Variants in DDHD1 observed in about 807,000 individuals in gnomAD.
DDHD1 encodes the protein DDHD domain containing 1, also known as phospholipase DDHD1.
A neutral mutation model predicts 96.4 loss-of-function variants in DDHD1; 49 were observed. That is an observed-to-expected ratio of 0.51 (90% CI 0.40 to 0.64). DDHD1 has a LOEUF of 0.64. Ranked by LOEUF, DDHD1 falls within the 30% of genes least tolerant of loss-of-function variation. The pLI is 0.00. For missense variants in DDHD1, 1,106 were observed against 1,161.2 expected (o/e 0.95, Z 0.69); for synonymous variants, 442 against 446.5 (o/e 0.99, Z 0.13).
intron 2 of DDHD1, among the ~76,000 whole-genome samples, chr14:53,101,701 A>G (rs1430914819): frequency 6.6e-6 from 1 of 152,086 alleles, no homozygotes; most frequent in Non-Finnish European, 1.5e-5. Context: ...TACTCACACA[A>G]ATAAACCATC....
chr14:53,042,850 C>T lies in DDHD1; in HGVS notation c.*3918G>A, dbSNP rs1358361162. The T allele has an allele frequency of 6.6e-6, 1 of 152,120 alleles. No homozygotes were observed. The highest frequency in any genetic ancestry group is 1.5e-5 in the Non-Finnish European group (1 of 68,020). 9.4% of individuals were successfully genotyped at this position (152,120 alleles called of 1,614,324 possible). A position where few individuals can be genotyped will look rare whatever the true frequency, so the allele number is the denominator to read the frequency against. ...GATTGCTACGTTCTTTTTTGCTCTG[C>T]CTTGATCTTTAATATTTTACGTGTT... On this transcript the variant is annotated 3_prime_UTR_variant, in exon 13 of 13. Transcript: ENST00000673822.
At chr14:53,071,889 T>C (rs184278814) in intron 6 of DDHD1, among the ~76,000 whole-genome samples, 93 of 152,274 alleles carry the variant, frequency 6.1e-4, no homozygotes, top group Non-Finnish European at 4.1e-4. Flanking sequence ...GCTGTGAAGC[T>C]GTATTGCCTG....
chr14:53,068,554 T>TAA, intron 6 of DDHD1, among the ~76,000 whole-genome samples: 1 of 152,246 alleles, frequency 6.6e-6, no homozygotes, highest in South Asian at 2.1e-4. Flanking sequence ...CCCAGACTGA[T>TAA]AATAATATTT....
intron 2 of DDHD1, among the ~76,000 whole-genome samples, chr14:53,097,845 C>A (rs1244996634): frequency 6.6e-6 from 1 of 151,696 alleles, no homozygotes; most frequent in East Asian, 1.9e-4. Flanking sequence ...AGACAAACAC[C>A]CCTATACACA....
At chr14:53,060,724 G>T (rs557437617) in intron 8 of DDHD1, among the ~76,000 whole-genome samples, 1 of 152,242 alleles carries the variant, frequency 6.6e-6, no homozygotes, top group East Asian at 1.9e-4. Context: ...TGAAGTTACA[G>T]CCCTCTATGC....
intron 6 of DDHD1, among the ~76,000 whole-genome samples, chr14:53,068,501 T>C (rs1363146187): frequency 6.6e-6 from 1 of 152,166 alleles, no homozygotes; most frequent in African/African-American, 2.4e-5. Flanking sequence ...TCCTCCTACC[T>C]TGGCCTCACA....
intron 1 of DDHD1, among the ~76,000 whole-genome samples, chr14:53,143,099 T>C (rs1287979718): frequency 6.6e-6 from 1 of 152,244 alleles, no homozygotes; most frequent in Non-Finnish European, 1.5e-5. Flanking sequence ...GTAGATAGTA[T>C]TATCCACGTT....
intron 1 of DDHD1, among the ~76,000 whole-genome samples, chr14:53,109,341 C>T (rs181325184): frequency 5.3e-5 from 8 of 152,258 alleles, no homozygotes; most frequent in East Asian, 1.9e-4. Context: ...TACCTGGCAA[C>T]GCTGAGGACT....
rs190441848 is a variant in DDHD1 at position 53,072,854 on chromosome 14, C to T, written c.1397-151G>A. On this transcript the variant is annotated intron_variant, in intron 5 of 12. Coordinates refer to ENST00000673822, the MANE Select transcript of DDHD1 (RefSeq NM_001160148.2). ...CAGCTTTGGCTCTAATGGATCTTCC[C>T]TTCCTATAAAATACTTCAAGAAAAA... The T allele has an allele frequency of 5.5e-4, 251 of 454,702 alleles. 1 individual carries two copies. Among genetic ancestry groups the T allele is most frequent in the Non-Finnish European group, 8.2e-4 (207 of 253,560 alleles). 28.2% of individuals were successfully genotyped at this position (454,702 alleles called of 1,614,324 possible).
At chr14:53,138,510 T>A (rs1158343506) in intron 1 of DDHD1, among the ~76,000 whole-genome samples, 1 of 152,230 alleles carries the variant, frequency 6.6e-6, no homozygotes, top group Non-Finnish European at 1.5e-5. Context: ...AGTAATGAAA[T>A]GTATGACAAT....
intron 6 of DDHD1, among the ~76,000 whole-genome samples, chr14:53,063,493 A>C (rs72688258): frequency 6.6e-6 from 1 of 152,144 alleles, no homozygotes; most frequent in Non-Finnish European, 1.5e-5. Flanking sequence ...TAAAAAAAAA[A>C]AAAACCAAAG....
intron 1 of DDHD1, among the ~76,000 whole-genome samples, chr14:53,134,527 TAACA>T (rs1339743669): frequency 6.6e-6 from 1 of 151,322 alleles, no homozygotes; most frequent in East Asian, 1.9e-4. Flanking sequence ...AATCCTTCCT[TAACA>T]AACAGTTACT....
At chr14:53,122,418 C>A (rs918881484) in intron 1 of DDHD1, among the ~76,000 whole-genome samples, 1 of 152,184 alleles carries the variant, frequency 6.6e-6, no homozygotes, top group Non-Finnish European at 1.5e-5. Context: ...TTTGTGACCA[C>A]TGCCACACTC....
chr14:53,090,813 T>C (rs1886371897), intron 4 of DDHD1, among the ~76,000 whole-genome samples: 2 of 152,044 alleles, frequency 1.3e-5, no homozygotes, highest in Admixed American at 1.3e-4. Flanking sequence ...GTGGCACATG[T>C]ATACATATGT....
At chr14:53,073,937 T>A in intron 4 of DDHD1, 90 bp from the exon 5 acceptor site, 1 of 1,156,724 alleles carries the variant, frequency 8.6e-7, no homozygotes, top group Middle Eastern at 2.8e-4. Context: ...TGTTTAATCA[T>A]AACACTTCCA....
chr14:53,054,411 A>G, intron 11 of DDHD1, 27 bp downstream of exon 11: 1 of 1,604,052 alleles, frequency 6.2e-7, no homozygotes, highest in South Asian at 1.1e-5. Context: ...TACAGTATCA[A>G]CTTAAGGAAA....
intron 2 of DDHD1, among the ~76,000 whole-genome samples, chr14:53,095,017 G>A (rs559744489): frequency 9.9e-5 from 15 of 152,262 alleles, no homozygotes; most frequent in African/African-American, 3.6e-4. Context: ...CAAACAGAAT[G>A]TCCTATCACA....
At chr14:53,122,586 T>G (rs1175636328) in intron 1 of DDHD1, among the ~76,000 whole-genome samples, 2 of 151,392 alleles carry the variant, frequency 1.3e-5, no homozygotes, top group African/African-American at 4.8e-5. Flanking sequence ...CTAATAGTTT[T>G]TTTTTTTTTT....
intron 6 of DDHD1, among the ~76,000 whole-genome samples, chr14:53,066,485 G>C (rs1488831243): frequency 3.3e-5 from 5 of 152,054 alleles, no homozygotes; most frequent in Non-Finnish European, 7.4e-5. Context: ...GAGAAGAAGG[G>C]GGAAAAAGGC....
Sources: allele counts gnomAD v4.1 joint callset (sites outside exome capture counted in the v4.1 genomes callset), GRCh38; gene constraint gnomAD v4.1.1; transcripts MANE v1.5; gene names NCBI Gene and HGNC (gene_info 2026-07-23, HGNC 2026-07-21).